The following HLTF variants were observed in gnomAD, a reference collection of about 807,000 sequenced individuals.
HLTF encodes the protein DNA-dependent ATPase/E3 ubiquitin-protein ligase HLTF.
A neutral mutation model predicts 129.4 loss-of-function variants in HLTF; 127 were observed. The ratio of observed to expected loss-of-function variants is 0.98; its 90% confidence interval spans 0.85 to 1.14. HLTF has a LOEUF of 1.14. HLTF is among the 50% of genes most tolerant of loss of function. The pLI, the probability that HLTF is intolerant of heterozygous loss-of-function variation, is 0.00. For missense variants in HLTF, 1,139 were observed against 1,187.1 expected, an observed-to-expected ratio of 0.96 and a Z score of 0.60; for synonymous variants, 332 against 388.8, an observed-to-expected ratio of 0.85 and a Z score of 1.72.
intron 5 of HLTF, among the ~76,000 whole-genome samples, chr3:149,072,497 A>G (rs771910038): frequency 5.3e-5 from 8 of 152,252 alleles, no homozygotes; most frequent in Non-Finnish European, 8.8e-5. Flanking sequence ...AACTTAATTG[A>G]CTATTTAAAC....
intron 18 of HLTF, among the ~76,000 whole-genome samples, chr3:149,042,545 CAG>C (rs758783282): frequency 1.6e-3 from 248 of 152,192 alleles, no homozygotes; most frequent in Non-Finnish European, 3.0e-3. Flanking sequence ...AGATCTCAAA[CAG>C]AGCTGCCAAA....
At chr3:149,046,344 T>A in intron 17 of HLTF, 85 bp from the exon 18 acceptor site, 1 of 765,258 alleles carries the variant, frequency 1.3e-6, no homozygotes. Context: ...CATTTTAATT[T>A]GTTACTGTTT....
chr3:149,059,416 T>G, intron 13 of HLTF: 2 of 455,398 alleles, frequency 4.4e-6, no homozygotes, highest in Non-Finnish European at 8.4e-6. Context: ...CAAAATTAAA[T>G]TAAGCTTTAA....
intron 15 of HLTF, among the ~76,000 whole-genome samples, 195 bp from the exon 16 acceptor site, chr3:149,049,196 A>G (rs1716791169): frequency 6.6e-6 from 1 of 152,212 alleles, no homozygotes; most frequent in South Asian, 2.1e-4. Flanking sequence ...AATTTTACAG[A>G]TAAGAAAACT....
chr3:149,065,628 G>A (rs1205795563), intron 8 of HLTF, among the ~76,000 whole-genome samples: 2 of 152,038 alleles, frequency 1.3e-5, no homozygotes, highest in Non-Finnish European at 2.9e-5. Flanking sequence ...TCAGGAGCTC[G>A]AGACTAGCCT....
chr3:149,086,414 A>T lies in HLTF; in HGVS notation c.-78T>A, dbSNP rs1031504077. 6.7e-7 allele frequency: 1 copy of T among 1,496,622 alleles called. No homozygotes were observed. The highest frequency in any genetic ancestry group is 1.4e-5 in the African/African-American group (1 of 71,948). 92.7% of individuals were successfully genotyped at this position (1,496,622 alleles called of 1,614,324 possible). ...GAGCCGCCTCGATACGCCTCCTTCC[A>T]GGCCCCGCAGCCCTGAAGCCGGGGA... On this transcript the variant is annotated 5_prime_UTR_variant, in exon 1 of 25. Coordinates refer to ENST00000310053, the MANE Select transcript of HLTF (RefSeq NM_003071.4).
At position 149,031,742 on chromosome 3, in the gene HLTF, T is replaced by C. The variant is rs1715070174; in HGVS notation, c.*478A>G. 2 of 152,184 alleles carry C rather than the reference T, an allele frequency of 1.3e-5. No individual in the cohort carries two copies. The highest frequency in any genetic ancestry group is 2.1e-4 in the South Asian group (1 of 4,830). 9.4% of individuals were successfully genotyped at this position (152,184 alleles called of 1,614,324 possible). A position where few individuals can be genotyped will look rare whatever the true frequency, so the allele number is the denominator to read the frequency against. On this transcript the variant is annotated 3_prime_UTR_variant, in exon 25 of 25. Transcript: ENST00000310053. ...ATTTGGTTCTGGAATGCAAATATGG[T>C]TTTTGAAAGCCCAATAAAATTAATT... is the stretch of plus-strand genomic sequence containing the variant.
chr3:149,084,253 A>G (rs979604232), intron 2 of HLTF, among the ~76,000 whole-genome samples: 6 of 152,202 alleles, frequency 3.9e-5, no homozygotes, highest in African/African-American at 1.4e-4. Flanking sequence ...AGAAAAACAA[A>G]TCCAGAACAT....
intron 14 of HLTF, among the ~76,000 whole-genome samples, chr3:149,052,965 A>G (rs76341895): frequency 1.5e-3 from 234 of 152,342 alleles, no homozygotes; most frequent in African/African-American, 5.1e-3. Flanking sequence ...CATCCTCTCA[A>G]TAGAAAACGA....
At position 149,063,417 on chromosome 3, in the gene HLTF, C is replaced by A. The variant is rs1236533462; in HGVS notation, c.1160+14G>T. 3 of 1,477,244 alleles carry A rather than the reference C, an allele frequency of 2.0e-6. No individual in the cohort carries two copies. The highest frequency in any genetic ancestry group is 1.7e-4 in the Middle Eastern group (1 of 5,788). 91.5% of individuals were successfully genotyped at this position (1,477,244 alleles called of 1,614,324 possible). ...TAAATAAACATATGACATAATCAAACCATAATAGTTTACCTTTTGGGGCGG... is the reference window on the plus strand; with the variant it reads ...TAAATAAACATATGACATAATCAAAACATAATAGTTTACCTTTTGGGGCGG... On this transcript the variant is annotated intron_variant, in intron 10 of 24. Transcript: ENST00000310053.
intron 13 of HLTF, among the ~76,000 whole-genome samples, chr3:149,058,834 G>A (rs1198130298): frequency 6.6e-6 from 1 of 152,246 alleles, no homozygotes; most frequent in Admixed American, 6.5e-5. Context: ...GTTCTCTCTT[G>A]TATCACAGCT....
Position 149,035,003 on chromosome 3 carries a change from C to T in HLTF, c.2797-5G>A. 1.2e-6 allele frequency: 2 copies of T among 1,607,972 alleles called. No individual in the cohort carries two copies. The highest frequency in any genetic ancestry group is 2.2e-5 in the East Asian group (1 of 44,808). Reference sequence around the variant, plus strand: ...TTCAGCAGCAGGATTCCAGGCCTAACAAGAACATGGATGAGTTACTTTACT... The same window carrying T: ...TTCAGCAGCAGGATTCCAGGCCTAATAAGAACATGGATGAGTTACTTTACT... On this transcript the variant is annotated splice_polypyrimidine_tract_variant and splice_region_variant and intron_variant, in intron 23 of 24. Transcript: ENST00000310053.
chr3:149,062,328 A>G (rs1218121918), intron 10 of HLTF, among the ~76,000 whole-genome samples: 2 of 152,188 alleles, frequency 1.3e-5, no homozygotes, highest in African/African-American at 2.4e-5. Context: ...CAGGTTTATG[A>G]TAAGTTCAAA....
intron 9 of HLTF, among the ~76,000 whole-genome samples, chr3:149,063,913 C>T (rs1576606660): frequency 6.6e-6 from 1 of 152,140 alleles, no homozygotes; most frequent in South Asian, 2.1e-4. Flanking sequence ...TTACTAAACA[C>T]TGTTCGGCTC....
intron 8 of HLTF, among the ~76,000 whole-genome samples, chr3:149,065,107 T>C (rs563781079): frequency 2.0e-4 from 30 of 152,292 alleles, no homozygotes; most frequent in South Asian, 1.0e-3. Flanking sequence ...CCTTCACCTT[T>C]TCGAAAGGAA....
chr3:149,048,408 A>C (rs968119831), intron 16 of HLTF, among the ~76,000 whole-genome samples: 1 of 152,256 alleles, frequency 6.6e-6, no homozygotes, highest in African/African-American at 2.4e-5. Flanking sequence ...AAGACTGGAA[A>C]ATTCAACTTT....
At chr3:149,043,110 CT>C (rs997744253) in intron 18 of HLTF, among the ~76,000 whole-genome samples, 147 of 151,174 alleles carry the variant, frequency 9.7e-4, no homozygotes, top group African/African-American at 3.5e-3. Flanking sequence ...AAAAAAAAAT[CT>C]TAAAGCAAAG....
At chr3:149,038,161 GA>G (rs1414935991) in intron 23 of HLTF, among the ~76,000 whole-genome samples, 2 of 152,118 alleles carry the variant, frequency 1.3e-5, no homozygotes, top group African/African-American at 4.8e-5. Flanking sequence ...GAATGCAAAG[GA>G]AATTGCATTT....
At chr3:149,063,333 T>G in intron 10 of HLTF, 98 bp downstream of exon 10, 1 of 781,186 alleles carries the variant, frequency 1.3e-6, no homozygotes, top group Non-Finnish European at 2.2e-6. Flanking sequence ...GTGCTGGGAT[T>G]ACAGGTGTGA....
Sources: allele counts gnomAD v4.1 joint callset (sites outside exome capture counted in the v4.1 genomes callset), GRCh38; gene constraint gnomAD v4.1.1; transcripts MANE v1.5; gene names NCBI Gene and HGNC (gene_info 2026-07-23, HGNC 2026-07-21).